The following RAB3C variants were observed in gnomAD, a reference collection of about 807,000 sequenced individuals.
RAB3C encodes the protein RAB3C, member RAS oncogene family, also known as ras-related protein Rab-3C.
In RAB3C, 17 loss-of-function variants were observed where a neutral mutation model predicts 26.4. The ratio of observed to expected loss-of-function variants is 0.64; its 90% CI spans 0.44 to 0.97. The LOEUF (loss-of-function observed/expected upper bound fraction) is 0.97, where lower values mean the gene tolerates loss of function less well. RAB3C is among the 50% of genes least tolerant of loss of function. The pLI is 0.00. For synonymous variants in RAB3C, 91 were observed against 95.9 expected (o/e 0.95, Z 0.30); for missense variants, 242 against 281.9 (o/e 0.86, Z 1.01).
rs1237401312 is a variant in RAB3C at position 58,858,315 on chromosome 5, C to A, written c.*6964C>A. The A allele has an allele frequency of 2.0e-5, 3 of 152,000 alleles. No homozygotes were observed. The highest frequency in any genetic ancestry group is 2.9e-5 in the Non-Finnish European group (2 of 67,982). The allele number at this position is 152,000 out of a possible 1,614,324, so 9.4% of individuals were successfully genotyped here. On this transcript the variant is annotated 3_prime_UTR_variant, in exon 5 of 5. Coordinates refer to ENST00000282878, the MANE Select transcript of RAB3C (RefSeq NM_138453.4). Reference sequence around the variant, plus strand: ...TAGGGAGATTAGTGACAACTTTGTGCCAAATTTTTTAAAAAATGGAAGCAG... The same window carrying A: ...TAGGGAGATTAGTGACAACTTTGTGACAAATTTTTTAAAAAATGGAAGCAG...
intron 4 of RAB3C, among the ~76,000 whole-genome samples, chr5:58,849,196 C>T (rs903435726): frequency 1.3e-5 from 2 of 152,130 alleles, no homozygotes; most frequent in African/African-American, 4.8e-5. Context: ...CTAATAAGTA[C>T]AAGAAGTGTT....
At position 58,853,335 on chromosome 5, in the gene RAB3C, C is replaced by G. The variant is rs559157538; in HGVS notation, c.*1984C>G. ...CATGTTAAATGATATAGCTATTAAG[C>G]TCACTTTTACAATCTAAAAGGAACT... On this transcript the variant is annotated 3_prime_UTR_variant, in exon 5 of 5. Coordinates refer to ENST00000282878, the MANE Select transcript of RAB3C (RefSeq NM_138453.4). The G allele has an allele frequency of 2.6e-4, 39 of 152,310 alleles. No homozygotes were observed. Among genetic ancestry groups the G allele is most frequent in the African/African-American group, 9.1e-4 (38 of 41,560 alleles). The allele number at this position is 152,310 out of a possible 1,614,324, so 9.4% of individuals were successfully genotyped here. A position where few individuals can be genotyped will look rare whatever the true frequency, so the allele number is the denominator to read the frequency against.
intron 4 of RAB3C, among the ~76,000 whole-genome samples, chr5:58,840,386 A>C (rs1743851601): frequency 6.6e-6 from 1 of 152,210 alleles, no homozygotes; most frequent in African/African-American, 2.4e-5. Flanking sequence ...GTCTTTCTGA[A>C]TTCATTGAAT....
intron 2 of RAB3C, among the ~76,000 whole-genome samples, chr5:58,667,587 G>T (rs576703048): frequency 6.6e-6 from 1 of 152,068 alleles, no homozygotes; most frequent in Admixed American, 6.6e-5. Context: ...GTTATATGGA[G>T]CCATACAAAA....
chr5:58,696,384 C>CT lies in RAB3C; in HGVS notation c.253-29611dup, dbSNP rs538603764. Among the ~76,000 whole-genome samples the CT allele has an allele frequency of 2.6e-5, 4 of 152,178 alleles. No individual in the cohort carries two copies. The East Asian group carries it at 5.8e-4, about 22-fold the overall frequency. On this transcript the variant is annotated intron_variant, in intron 2 of 4. Transcript: ENST00000282878. ...ATCAGGGATATTGGTCTAAAATTCT[C>CT]TTTTTTTGTTGTATCTCTGCCAGAC... is the stretch of plus-strand genomic sequence containing the variant.
intron 3 of RAB3C, among the ~76,000 whole-genome samples, chr5:58,755,969 G>C (rs971336616): frequency 1.3e-5 from 2 of 152,034 alleles, no homozygotes; most frequent in Non-Finnish European, 2.9e-5. Context: ...TTTATTTGCT[G>C]TGATTATACA....
chr5:58,796,845 C>G (rs1373126415), intron 3 of RAB3C, among the ~76,000 whole-genome samples: 1 of 151,976 alleles, frequency 6.6e-6, no homozygotes, highest in Non-Finnish European at 1.5e-5. Flanking sequence ...CTGGAAGGCA[C>G]ATGAGAAAGA....
intron 3 of RAB3C, among the ~76,000 whole-genome samples, chr5:58,782,168 T>A (rs950495578): frequency 6.6e-6 from 1 of 152,070 alleles, no homozygotes; most frequent in African/African-American, 2.4e-5. Flanking sequence ...AATGAATGAA[T>A]GGGAAGCGGA....
At chr5:58,742,521 A>C (rs972672235) in intron 3 of RAB3C, among the ~76,000 whole-genome samples, 1 of 152,216 alleles carries the variant, frequency 6.6e-6, no homozygotes, top group South Asian at 2.1e-4. Context: ...CAAGGAGTTA[A>C]GTATAATAAA....
intron 1 of RAB3C, among the ~76,000 whole-genome samples, chr5:58,596,376 TTC>T (rs1164283550): frequency 6.6e-6 from 1 of 150,774 alleles, no homozygotes; most frequent in Non-Finnish European, 1.5e-5. Flanking sequence ...TCCTGTCTAC[TTC>T]TCTCTGTCTA....
intron 2 of RAB3C, among the ~76,000 whole-genome samples, chr5:58,633,439 G>A (rs936497043): frequency 8.5e-5 from 13 of 152,252 alleles, no homozygotes; most frequent in East Asian, 5.8e-4. Context: ...GGAATCTGCC[G>A]TAACTCTAAC....
chr5:58,847,580 A>C (rs1744031031), intron 4 of RAB3C, among the ~76,000 whole-genome samples: 1 of 152,134 alleles, frequency 6.6e-6, no homozygotes, highest in South Asian at 2.1e-4. Flanking sequence ...AGTGGTTATA[A>C]CTTAGGCCAT....
At chr5:58,640,382 C>T (rs546632945) in intron 2 of RAB3C, among the ~76,000 whole-genome samples, 4 of 152,208 alleles carry the variant, frequency 2.6e-5, no homozygotes, top group South Asian at 2.1e-4. Flanking sequence ...AAACCTTACG[C>T]GTTTAAAATA....
intron 3 of RAB3C, among the ~76,000 whole-genome samples, chr5:58,808,515 AACC>A (rs1261886805): frequency 1.3e-5 from 2 of 152,210 alleles, no homozygotes; most frequent in African/African-American, 4.8e-5. Flanking sequence ...CTGCTAAGTA[AACC>A]CATTGGGCAA....
chr5:58,658,602 C>T lies in RAB3C; in HGVS notation c.252+40732C>T, dbSNP rs374993076. 2.6e-5 allele frequency among the ~76,000 whole-genome samples: 4 copies of T among 152,080 alleles called. No homozygotes were observed. In the East Asian group the frequency reaches 5.8e-4, roughly 22 times the overall value. The stretch of plus-strand genomic sequence containing the variant: ...GCCTAACCATGGTAAGGTTTAGTGG[C>T]GTAAAATGACAATTTCCTTAGCCTA... On this transcript the variant is annotated intron_variant, in intron 2 of 4. Transcript: ENST00000282878.
At chr5:58,604,921 A>G (rs1746529043) in intron 1 of RAB3C, among the ~76,000 whole-genome samples, 1 of 152,200 alleles carries the variant, frequency 6.6e-6, no homozygotes, top group Admixed American at 6.5e-5. Context: ...GCCACCGTCC[A>G]GATGGATCCC....
intron 2 of RAB3C, among the ~76,000 whole-genome samples, chr5:58,659,877 C>T (rs1208824055): frequency 6.6e-6 from 1 of 152,158 alleles, no homozygotes; most frequent in Non-Finnish European, 1.5e-5. Flanking sequence ...GATCTCGGCT[C>T]ACTGCAACCT....
rs1175675114 is a variant in RAB3C at position 58,858,231 on chromosome 5, CTG to C, written c.*6881_*6882del. 2 of 152,126 alleles carry C rather than the reference CTG, an allele frequency of 1.3e-5. No homozygotes were observed. Among genetic ancestry groups the C allele is most frequent in the Non-Finnish European group, 2.9e-5 (2 of 68,034 alleles). 9.4% of individuals were successfully genotyped at this position (152,126 alleles called of 1,614,324 possible). ...GTGGCCTGAATGTAACTGTGATAGA[CTG>C]AAATTTGTTCTTAGCTCTCAAAATC... On this transcript the variant is annotated 3_prime_UTR_variant, in exon 5 of 5. Transcript: ENST00000282878.
At chr5:58,797,369 ATATAT>A (rs1561133549) in intron 3 of RAB3C, among the ~76,000 whole-genome samples, 2,638 of 17,922 alleles carry the variant, frequency 0.15, 112 homozygotes, top group Middle Eastern at 0.22. Flanking sequence ...TATATATATA[ATATAT>A]ATATATATAT....
Sources: allele counts gnomAD v4.1 joint callset (sites outside exome capture counted in the v4.1 genomes callset), GRCh38; gene constraint gnomAD v4.1.1; transcripts MANE v1.5; gene names NCBI Gene and HGNC (gene_info 2026-07-23, HGNC 2026-07-21).